The following AFG2A variants were observed in gnomAD, a reference collection of about 807,000 sequenced individuals.
The protein encoded by AFG2A is ATPase family gene 2 protein homolog A.
chr4:123,256,323 T>A, the AFG2A span: 1 of 902,196 alleles, frequency 1.1e-6, no homozygotes, highest in Non-Finnish European at 1.6e-6. Flanking sequence ...CATGACATAG[T>A]CACTAAGTTA....
the AFG2A span, among the ~76,000 whole-genome samples, chr4:123,067,319 C>A: frequency 6.6e-6 from 1 of 151,932 alleles, no homozygotes; most frequent in Admixed American, 6.6e-5. Context: ...GAGATCCAGA[C>A]CATCCTGGCC....
At chr4:123,236,966 CTGAT>C in the AFG2A span, among the ~76,000 whole-genome samples, 2 of 152,164 alleles carry the variant, frequency 1.3e-5, no homozygotes, top group African/African-American at 4.8e-5. Flanking sequence ...TGGACCTAGA[CTGAT>C]TGATTGTCAC....
the AFG2A span, chr4:123,255,924 C>T: frequency 0.039 from 55,686 of 1,435,206 alleles, 1,512 homozygotes; most frequent in African/African-American, 0.13. Flanking sequence ...GTGGATTGTT[C>T]GTGAAATTCC....
the AFG2A span, among the ~76,000 whole-genome samples, chr4:123,160,942 T>C: frequency 1.6e-4 from 24 of 152,210 alleles, no homozygotes; most frequent in Non-Finnish European, 3.5e-4. Context: ...ATAAAAGTTA[T>C]GTAAATGTGT....
the AFG2A span, among the ~76,000 whole-genome samples, chr4:122,985,303 AT>A: frequency 1.3e-5 from 2 of 151,688 alleles, no homozygotes; most frequent in Non-Finnish European, 2.9e-5. Flanking sequence ...CTAATTTCGT[AT>A]TTTTAGTAGA....
chr4:123,013,594 C>T, the AFG2A span, among the ~76,000 whole-genome samples: 28 of 152,088 alleles, frequency 1.8e-4, no homozygotes, highest in East Asian at 2.3e-3. Context: ...CAGGGCCTGT[C>T]GGGGTTGGGG....
chr4:123,307,517 TA>T, the AFG2A span, among the ~76,000 whole-genome samples: 1 of 152,224 alleles, frequency 6.6e-6, no homozygotes, highest in South Asian at 2.1e-4. Context: ...CATTCCTAAA[TA>T]GAGAGATATG....
the AFG2A span, among the ~76,000 whole-genome samples, chr4:123,181,788 G>A: frequency 6.6e-6 from 1 of 151,904 alleles, no homozygotes; most frequent in Non-Finnish European, 1.5e-5. Flanking sequence ...TATCTTCTCT[G>A]GCTATTTTAT....
the AFG2A span, among the ~76,000 whole-genome samples, chr4:123,053,290 C>T: frequency 6.4e-4 from 98 of 152,296 alleles, 1 homozygote; most frequent in African/African-American, 2.3e-3. Flanking sequence ...GCTTTCTGGC[C>T]CAGATGGACC....
chr4:123,098,451 A>G, the AFG2A span, among the ~76,000 whole-genome samples: 1 of 151,946 alleles, frequency 6.6e-6, no homozygotes, highest in Non-Finnish European at 1.5e-5. Context: ...CCTACAGTAC[A>G]ATAGACCTCT....
the AFG2A span, among the ~76,000 whole-genome samples, chr4:123,140,848 A>G: frequency 1.3e-5 from 2 of 152,192 alleles, no homozygotes; most frequent in South Asian, 2.1e-4. Flanking sequence ...TTGGTGGTAC[A>G]TGGAAATTTG....
At chr4:123,304,752 G>A in the AFG2A span, among the ~76,000 whole-genome samples, 1 of 152,198 alleles carries the variant, frequency 6.6e-6, no homozygotes, top group Non-Finnish European at 1.5e-5. Flanking sequence ...CTTGCTTCAT[G>A]CAGAACAGCG....
chr4:123,031,042 T>C, the AFG2A span, among the ~76,000 whole-genome samples: 9 of 152,262 alleles, frequency 5.9e-5, no homozygotes, highest in African/African-American at 2.2e-4. Context: ...AGCATTTTCA[T>C]TGGTCCTTTT....
the AFG2A span, among the ~76,000 whole-genome samples, chr4:123,119,107 T>C: frequency 1.3e-5 from 2 of 152,150 alleles, no homozygotes; most frequent in Non-Finnish European, 2.9e-5. Context: ...TCATCTTTAT[T>C]GAATCTTTCC....
the AFG2A span, among the ~76,000 whole-genome samples, chr4:123,088,719 C>T: frequency 6.6e-6 from 1 of 151,670 alleles, no homozygotes; most frequent in Non-Finnish European, 1.5e-5. Flanking sequence ...CCTTCGTGCT[C>T]TCTCTCTCTC....
the AFG2A span, among the ~76,000 whole-genome samples, chr4:123,306,386 G>C: frequency 6.6e-6 from 1 of 152,126 alleles, no homozygotes; most frequent in African/African-American, 2.4e-5. Context: ...ATAAATTAGT[G>C]TCATAGCCAC....
the AFG2A span, among the ~76,000 whole-genome samples, chr4:123,030,701 T>C: frequency 3.9e-5 from 6 of 152,238 alleles, no homozygotes; most frequent in Admixed American, 2.6e-4. Context: ...ATATACTTAA[T>C]GAATGATGGG....
chr4:123,043,115 T>A, the AFG2A span, among the ~76,000 whole-genome samples: 1 of 152,224 alleles, frequency 6.6e-6, no homozygotes, highest in Admixed American at 6.5e-5. Context: ...TAATATCTTG[T>A]CCTCACCTTT....
chr4:123,042,307 C>T, the AFG2A span, among the ~76,000 whole-genome samples: 24 of 152,102 alleles, frequency 1.6e-4, no homozygotes, highest in East Asian at 4.6e-3. Flanking sequence ...ATGTGGTCAT[C>T]TTGACATAGC....
Sources: gnomAD v4.1 joint callset for allele counts (sites outside exome capture counted in the v4.1 genomes callset) on GRCh38, gnomAD v4.1.1 for gene constraint, MANE v1.5 for transcripts, NCBI Gene and HGNC (gene_info 2026-07-23, HGNC 2026-07-21) for gene names.